FMO4: variants seen among roughly 807,000 people sequenced by gnomAD.
FMO4 encodes flavin containing dimethylaniline monoxygenase 4, also known as dimethylaniline monooxygenase [N-oxide-forming] 4.
In FMO4, 38 loss-of-function variants were observed where a neutral mutation model predicts 43.3. The ratio of observed to expected loss-of-function variants is 0.88; its 90% CI spans 0.68 to 1.15. The LOEUF is 1.15. FMO4 is among the 50% of genes most tolerant of loss of function. FMO4 has a pLI of 0.00. For synonymous variants in FMO4, 224 were observed against 232.2 expected (o/e 0.96, Z 0.32); for missense variants, 631 against 663.3 (o/e 0.95, Z 0.54).
chr1:171,338,692 C>A (rs1442157509), intron 9 of FMO4, among the ~76,000 whole-genome samples: 1 of 152,170 alleles, frequency 6.6e-6, no homozygotes, highest in Non-Finnish European at 1.5e-5. Context: ...CAGCAACCCA[C>A]CCTGACTCAC....
chr1:171,316,128 AT>A (rs1430607557), intron 1 of FMO4, 57 bp from the exon 2 acceptor site: 3 of 152,274 alleles, frequency 2.0e-5, no homozygotes, highest in Non-Finnish European at 4.4e-5. Flanking sequence ...TCACGTCAGT[AT>A]ATTTTTCACT....
At chr1:171,327,872 C>A (rs915392929) in intron 5 of FMO4, among the ~76,000 whole-genome samples, 6 of 152,144 alleles carry the variant, frequency 3.9e-5, no homozygotes, top group African/African-American at 1.4e-4. Context: ...CTGATGGTGC[C>A]ACTGCACTCC....
chr1:171,323,738 C>A (rs1189286680), intron 4 of FMO4, among the ~76,000 whole-genome samples: 1 of 151,994 alleles, frequency 6.6e-6, no homozygotes, highest in Admixed American at 6.6e-5. Flanking sequence ...GAAATTTTGA[C>A]TTTTTTTAAG....
chr1:171,321,943 G>A (rs2101880779), intron 3 of FMO4, among the ~76,000 whole-genome samples: 1 of 152,322 alleles, frequency 6.6e-6, no homozygotes, highest in South Asian at 2.1e-4. Flanking sequence ...GAAAGTGACA[G>A]CTAAGAAAGA....
rs200011265 is a variant in FMO4 at position 171,319,836 on chromosome 1, A to C, written c.11A>C (p.Lys4Thr). ...CTAACAGAGCATACCATGGCCAAGA[A>C]AGTTGCAGTGATTGGAGCTGGTGTG... MAKKVAVIGAGVSG... is the reference protein window; with the variant it reads MAKTVAVIGAGVSG... The change falls in exon 3 of 10, where the codon AAA becomes ACA. Residue 4 changes from lysine to threonine, a missense_variant. By Grantham distance (78) the Lys-to-Thr change is moderately conservative (BLOSUM62 -1). Transcript: ENST00000367749. The C allele has an allele frequency of 2.0e-5, 32 of 1,613,682 alleles. No individual in the cohort carries two copies. The highest frequency in any genetic ancestry group is 3.3e-5 in the Admixed American group (2 of 59,984).
At chr1:171,337,759 G>A (rs1014490707) in intron 9 of FMO4, among the ~76,000 whole-genome samples, 8 of 151,944 alleles carry the variant, frequency 5.3e-5, no homozygotes, top group South Asian at 2.1e-4. Flanking sequence ...TGCTGGTATC[G>A]CCTCTTCCTC....
At chr1:171,340,944 G>T (rs1663348969) in intron 9 of FMO4, among the ~76,000 whole-genome samples, 1 of 151,750 alleles carries the variant, frequency 6.6e-6, no homozygotes, top group Non-Finnish European at 1.5e-5. Flanking sequence ...TTTTGTAATT[G>T]TGTAAAAAAT....
chr1:171,314,338 T>TC lies in FMO4; in HGVS notation c.-226_-225insC, dbSNP rs1553251264. 6 of 149,886 alleles carry TC rather than the reference T, an allele frequency of 4.0e-5. No homozygotes were observed. Among genetic ancestry groups the TC allele is most frequent in the African/African-American group, 1.5e-4 (6 of 40,974 alleles). The allele number at this position is 149,886 out of a possible 1,614,324, so 9.3% of individuals were successfully genotyped here. On this transcript the variant is annotated 5_prime_UTR_variant, in exon 1 of 10. Coordinates refer to ENST00000367749, the MANE Select transcript of FMO4 (RefSeq NM_002022.3). ...AAAGAATTTGGGTTTTGAGCTTTTT[T>TC]AAAAAAAAAAGACAAACACTTTCCT...
chr1:171,335,671 T>C (rs1438409956), intron 8 of FMO4, among the ~76,000 whole-genome samples: 1 of 152,046 alleles, frequency 6.6e-6, no homozygotes, highest in Non-Finnish European at 1.5e-5. Flanking sequence ...ACTGTAGAAA[T>C]ATAATAGGCA....
chr1:171,332,686 T>C (rs747769054), intron 6 of FMO4, 23 bp from the exon 7 acceptor site: 2 of 1,586,798 alleles, frequency 1.3e-6, no homozygotes, highest in South Asian at 2.2e-5. Flanking sequence ...TATTTATCCT[T>C]CTTGCCTTAC....
At chr1:171,327,667 C>A (rs1005343878) in intron 5 of FMO4, among the ~76,000 whole-genome samples, 2 of 152,156 alleles carry the variant, frequency 1.3e-5, no homozygotes, top group African/African-American at 4.8e-5. Context: ...ATAATCCCAG[C>A]ACTTTGGGAG....
At chr1:171,315,127 A>G (rs1408809312) in intron 1 of FMO4, among the ~76,000 whole-genome samples, 1 of 152,180 alleles carries the variant, frequency 6.6e-6, no homozygotes, top group African/African-American at 2.4e-5. Flanking sequence ...CCCCGTCTCT[A>G]CTAAAAATAC....
chr1:171,316,915 T>A (rs1320358134), intron 2 of FMO4, among the ~76,000 whole-genome samples: 1 of 152,170 alleles, frequency 6.6e-6, no homozygotes, highest in African/African-American at 2.4e-5. Context: ...AGTCAGTAAA[T>A]TCTCTTAGAT....
chr1:171,332,315 A>G (rs1303678325), intron 6 of FMO4, among the ~76,000 whole-genome samples: 2 of 152,232 alleles, frequency 1.3e-5, no homozygotes, highest in East Asian at 1.9e-4. Context: ...GCACTTTAGC[A>G]TAAATTAAAG....
Position 171,341,987 on chromosome 1 carries a change from T to G in FMO4, c.*148T>G. The G allele has an allele frequency of 1.6e-6, 1 of 621,412 alleles. No homozygotes were observed. Among genetic ancestry groups the G allele is most frequent in the South Asian group, 2.1e-5 (1 of 46,714 alleles). The allele number at this position is 621,412 out of a possible 1,614,324, so 38.5% of individuals were successfully genotyped here. ...CTGAATTATTGTATTATCTTCTTCT[T>G]TGTTTTCAGTACCCTCTTTCTTGCC... On this transcript the variant is annotated 3_prime_UTR_variant, in exon 10 of 10. Coordinates refer to ENST00000367749, the MANE Select transcript of FMO4 (RefSeq NM_002022.3).
In FMO4 at chr1:171,334,650, T is replaced by C. The variant is rs767155472; in HGVS notation, c.1067T>C (p.Phe356Ser). 6.2e-7 allele frequency: 1 copy of C among 1,613,832 alleles called. No individual in the cohort carries two copies. Among genetic ancestry groups the C allele is most frequent in the Non-Finnish European group, 8.5e-7 (1 of 1,179,740 alleles). Reference protein sequence around the residue: ...TKKIFLYKQVFPLNLERATLA... With the variant: ...TKKIFLYKQVSPLNLERATLA... ...AAGATATTTCTATACAAGCAAGTCTTTCCCTTAAACCTAGAGAGAGCGACA... is the reference window on the plus strand; with the variant it reads ...AAGATATTTCTATACAAGCAAGTCTCTCCCTTAAACCTAGAGAGAGCGACA... The change falls in exon 8 of 10, where the codon TTT becomes TCT. Residue 356 changes from phenylalanine (F) to serine (S), a missense_variant. Physicochemically the swap from Phe to Ser is radical, Grantham distance 155 (BLOSUM62 -2). Coordinates refer to ENST00000367749, the MANE Select transcript of FMO4 (RefSeq NM_002022.3).
At chr1:171,320,835 C>CA (rs140598665) in intron 3 of FMO4, among the ~76,000 whole-genome samples, 6,897 of 149,248 alleles carry the variant, frequency 0.046, 473 homozygotes, top group African/African-American at 0.16. Context: ...GAAAAACAAA[C>CA]AAAAAAAATA....
intron 4 of FMO4, among the ~76,000 whole-genome samples, chr1:171,323,509 CA>C (rs1166057078): frequency 6.6e-6 from 1 of 151,974 alleles, no homozygotes; most frequent in African/African-American, 2.4e-5. Context: ...ACTAAAAATA[CA>C]AAAATTAGCT....
chr1:171,327,775 G>A (rs1662726718), intron 5 of FMO4, among the ~76,000 whole-genome samples: 1 of 152,082 alleles, frequency 6.6e-6, no homozygotes, highest in Non-Finnish European at 1.5e-5. Context: ...AATTAGCCAG[G>A]CATGGTGGCA....
Sources: gnomAD v4.1 joint callset for allele counts (sites outside exome capture counted in the v4.1 genomes callset) on GRCh38, gnomAD v4.1.1 for gene constraint, MANE v1.5 for transcripts, NCBI Gene and HGNC (gene_info 2026-07-23, HGNC 2026-07-21) for gene names.